RTL4: variants seen among roughly 807,000 people sequenced by gnomAD.
The protein encoded by RTL4 is retrotransposon Gag like 4, also known as retrotransposon Gag-like protein 4.
RTL4 carries 4 observed loss-of-function variants against 5.3 expected under a neutral mutation model. The observed-to-expected ratio is 0.75, with a 90% CI of 0.37 to 1.72. The LOEUF (loss-of-function observed/expected upper bound fraction) is 1.72. Among genes scored for constraint, RTL4 ranks in the 40% most tolerant of loss-of-function variants. The pLI, the probability that RTL4 is intolerant of heterozygous loss-of-function variation, is 0.04. For synonymous variants in RTL4, 98 were observed against 87.3 expected, an observed-to-expected ratio of 1.12 and a Z score of -0.68; for missense variants, 260 against 227.1, an observed-to-expected ratio of 1.14 and a Z score of -0.93.
At chrX:112,145,622 A>G in the RTL4 span, among the ~76,000 whole-genome samples, 1,702 of 112,018 alleles carry the variant, frequency 0.015, 30 homozygotes, top group African/African-American at 0.052. Context: ...GTGTGTGAGG[A>G]GGAGACATTA....
the RTL4 span, among the ~76,000 whole-genome samples, chrX:112,137,692 G>A: frequency 9.0e-6 from 1 of 111,525 alleles, no homozygotes; most frequent in African/African-American, 3.3e-5. Flanking sequence ...TGAGATTTGG[G>A]TGGGGACACA....
chrX:112,445,408 G>C, the RTL4 span, among the ~76,000 whole-genome samples: 1 of 112,128 alleles, frequency 8.9e-6, no homozygotes, highest in Non-Finnish European at 1.9e-5. Context: ...TTTGAGGAGA[G>C]ACTTGCTGGA....
At chrX:112,406,722 C>T in the RTL4 span, among the ~76,000 whole-genome samples, 1 of 110,704 alleles carries the variant, frequency 9.0e-6, no homozygotes, top group Non-Finnish European at 1.9e-5. Flanking sequence ...GGCTGCACAG[C>T]TTGCAGCTGC....
the RTL4 span, among the ~76,000 whole-genome samples, chrX:112,364,467 T>A: frequency 8.9e-6 from 1 of 112,117 alleles, no homozygotes; most frequent in South Asian, 3.7e-4. Context: ...GGATTAGGCC[T>A]CAGAATCTTG....
chrX:112,235,509 A>ATAT, the RTL4 span, among the ~76,000 whole-genome samples: 1 of 111,398 alleles, frequency 9.0e-6, no homozygotes, highest in Admixed American at 9.5e-5. Context: ...GCAGCACAGG[A>ATAT]CTCTGACTAT....
At chrX:112,279,546 C>A in the RTL4 span, among the ~76,000 whole-genome samples, 6 of 110,593 alleles carry the variant, frequency 5.4e-5, no homozygotes, top group Admixed American at 1.9e-4. Flanking sequence ...AATTTCTTTC[C>A]ATGCACACTT....
chrX:112,428,766 A>G, the RTL4 span, among the ~76,000 whole-genome samples: 3 of 111,837 alleles, frequency 2.7e-5, no homozygotes, highest in Non-Finnish European at 3.8e-5. Flanking sequence ...GTCTCCAACT[A>G]TAACAGTGGA....
chrX:112,453,218 G>C (rs1602582126), upstream of RTL4, among the ~76,000 whole-genome samples: 1 of 110,717 alleles, frequency 9.0e-6, no homozygotes, highest in Non-Finnish European at 1.9e-5. Context: ...ATAAAACCTA[G>C]GGAAATCAAG....
At chrX:112,248,933 A>G in the RTL4 span, among the ~76,000 whole-genome samples, 2 of 112,446 alleles carry the variant, frequency 1.8e-5, no homozygotes, top group Non-Finnish European at 1.9e-5. Flanking sequence ...AAAACGAGAT[A>G]AAAGTAGCCT....
chrX:112,373,884 T>C, the RTL4 span, among the ~76,000 whole-genome samples: 2 of 110,763 alleles, frequency 1.8e-5, no homozygotes, highest in East Asian at 5.7e-4. Flanking sequence ...ATATGGTATG[T>C]TTTGTTTCTT....
At chrX:112,180,254 G>A in the RTL4 span, among the ~76,000 whole-genome samples, 10 of 111,470 alleles carry the variant, frequency 9.0e-5, no homozygotes, top group East Asian at 2.8e-4. Flanking sequence ...TGAAGTCCCA[G>A]CTCTGGAGGC....
chrX:112,369,220 C>T, the RTL4 span, among the ~76,000 whole-genome samples: 1 of 112,718 alleles, frequency 8.9e-6, no homozygotes, highest in Non-Finnish European at 1.9e-5. Context: ...GAACCACAGG[C>T]AGAGCCCTAC....
chrX:112,355,132 G>A, the RTL4 span, among the ~76,000 whole-genome samples: 1 of 111,132 alleles, frequency 9.0e-6, no homozygotes, highest in Non-Finnish European at 1.9e-5. Flanking sequence ...ATAAAGTTGA[G>A]TTCTATTTAT....
chrX:112,185,824 A>G, the RTL4 span, among the ~76,000 whole-genome samples: 2 of 110,889 alleles, frequency 1.8e-5, no homozygotes, highest in African/African-American at 6.6e-5. Context: ...AGGTTTGATC[A>G]AAGAAGCAGA....
the RTL4 span, among the ~76,000 whole-genome samples, chrX:112,127,741 T>C: frequency 0.012 from 1,386 of 111,628 alleles, 23 homozygotes; most frequent in African/African-American, 0.042. Context: ...GAGCACAAAA[T>C]CAATACAGAA....
the RTL4 span, among the ~76,000 whole-genome samples, chrX:112,440,716 G>A: frequency 1.8e-5 from 2 of 111,431 alleles, no homozygotes; most frequent in Non-Finnish European, 3.8e-5. Flanking sequence ...CTGTCTCTTT[G>A]ATTTCTTTTT....
the RTL4 span, among the ~76,000 whole-genome samples, chrX:112,147,698 G>A: frequency 1.6e-3 from 174 of 112,155 alleles, no homozygotes; most frequent in African/African-American, 5.4e-3. Flanking sequence ...CAGCACTTTG[G>A]GAGGCCGAGA....
the RTL4 span, among the ~76,000 whole-genome samples, chrX:112,444,156 A>G: frequency 2.3e-4 from 26 of 110,782 alleles, no homozygotes; most frequent in East Asian, 6.5e-3. Context: ...ATTATTCTGC[A>G]TATGAATATC....
the RTL4 span, among the ~76,000 whole-genome samples, chrX:112,436,615 C>T: frequency 1.8e-5 from 2 of 111,317 alleles, no homozygotes; most frequent in Non-Finnish European, 3.8e-5. Context: ...ATAACCAGAA[C>T]ATTCCATGGC....
Sources: gnomAD v4.1 joint callset for allele counts (sites outside exome capture counted in the v4.1 genomes callset) on GRCh38, gnomAD v4.1.1 for gene constraint, MANE v1.5 for transcripts, NCBI Gene and HGNC (gene_info 2026-07-23, HGNC 2026-07-21) for gene names.